The following BTBD9 variants were observed in gnomAD, a reference collection of about 807,000 sequenced individuals.
BTBD9 encodes BTB domain containing 9, also known as BTB/POZ domain-containing protein 9.
BTBD9 carries 49 observed loss-of-function variants against 64.3 expected under a neutral mutation model. The ratio of observed to expected loss-of-function variants is 0.76; its 90% CI spans 0.61 to 0.97. The LOEUF (loss-of-function observed/expected upper bound fraction) is 0.97, where lower values mean the gene tolerates loss of function less well. Among genes scored for constraint, BTBD9 ranks in the 50% least tolerant of loss-of-function variants. BTBD9 has a pLI of 0.00. For missense variants in BTBD9, 598 were observed against 762.1 expected (o/e 0.78, Z 2.53); for synonymous variants, 260 against 274.7 (o/e 0.95, Z 0.53).
chr6:38,598,612 T>C (rs1424426295), intron 1 of BTBD9, among the ~76,000 whole-genome samples: 1 of 152,026 alleles, frequency 6.6e-6, no homozygotes, highest in East Asian at 1.9e-4. Context: ...ATCTCAAATA[T>C]TTCATTTAAA....
At chr6:38,345,160 A>G (rs28360643) in intron 6 of BTBD9, 67 bp from the exon 7 acceptor site, 185,645 of 1,027,486 alleles carry the variant, frequency 0.18, 17,718 homozygotes, top group African/African-American at 0.24. Context: ...CAAGGATAAC[A>G]GAGTAAGACA....
intron 7 of BTBD9, among the ~76,000 whole-genome samples, chr6:38,298,903 C>T (rs868311284): frequency 7.3e-5 from 11 of 150,782 alleles, no homozygotes; most frequent in Admixed American, 2.0e-4. Flanking sequence ...ATGTGCACAA[C>T]GTGCAGGTTT....
rs561475349 is a variant in BTBD9 at position 38,256,474 on chromosome 6, G to A, written c.1497C>T (p.Tyr499=). The A allele has an allele frequency of 5.8e-5, 94 of 1,613,984 alleles. 1 individual carries two copies. Among genetic ancestry groups the A allele is most frequent in the East Asian group, 2.2e-4 (10 of 44,878 alleles). The change falls in exon 9 of 11, where the codon TAC becomes TAT. Residue 499 remains tyrosine, a synonymous_variant. Transcript: ENST00000481247. The stretch of plus-strand genomic sequence containing the variant: ...GTTGCTGGTTGGTAGAAACCTCAAC[G>A]TAGTAGCTATAGCTTCGATCATCAC... The part of the protein sequence containing the change: ...WDCDDRSYSY[Y]VEVSTNQQQW...
In BTBD9 at chr6:38,595,619, C is replaced by T. The variant is rs1001051375; in HGVS notation, c.186-1292G>A. Among the ~76,000 whole-genome samples, 4 of 152,148 alleles carry T rather than the reference C, an allele frequency of 2.6e-5. No individual in the cohort carries two copies. The East Asian group carries it at 7.7e-4, about 29-fold the overall frequency. ...AGACTGGAAATAAGAAAGAGATTCT[C>T]CGTGTTGCTAAAATTCTCAGAGTAG... On this transcript the variant is annotated intron_variant, in intron 2 of 10. Coordinates refer to ENST00000481247, the MANE Select transcript of BTBD9 (RefSeq NM_001099272.2).
chr6:38,374,296 T>TATATATATATATATATATATAC lies in BTBD9; in HGVS notation c.1155-29204_1155-29203insGTATATATATATATATATATAT, dbSNP rs1491482634. 2.3e-3 allele frequency among the ~76,000 whole-genome samples: 162 copies of TATATATATATATATATATATAC among 70,332 alleles called. 4 individuals carry two copies. Among genetic ancestry groups the TATATATATATATATATATATAC allele is most frequent in the Non-Finnish European group, 2.8e-3 (117 of 41,644 alleles). The allele number at this position is 70,332 out of a possible 152,430, so 46.1% of individuals were successfully genotyped here. On this transcript the variant is annotated intron_variant, in intron 6 of 10. Coordinates refer to ENST00000481247, the MANE Select transcript of BTBD9 (RefSeq NM_001099272.2). The stretch of plus-strand genomic sequence containing the variant: ...AAAAAAAAAAAAGTATATATATATA[T>TATATATATATATATATATATAC]GTATATATATGTATATATATATATA...
chr6:38,594,598 G>A (rs1040581919), intron 2 of BTBD9, among the ~76,000 whole-genome samples: 5 of 152,180 alleles, frequency 3.3e-5, no homozygotes, highest in Non-Finnish European at 5.9e-5. Flanking sequence ...ATAGAAAGAT[G>A]AGAGTGATCT....
At chr6:38,453,108 T>C (rs138977190) in intron 6 of BTBD9, among the ~76,000 whole-genome samples, 1 of 152,130 alleles carries the variant, frequency 6.6e-6, no homozygotes, top group Non-Finnish European at 1.5e-5. Context: ...AGACAATAGT[T>C]TGAGTGAAAA....
intron 6 of BTBD9, among the ~76,000 whole-genome samples, chr6:38,518,877 G>C (rs540528530): frequency 5.3e-5 from 8 of 152,154 alleles, no homozygotes; most frequent in Non-Finnish European, 7.4e-5. Context: ...ACTCTCAAGA[G>C]CTTATAATCC....
At chr6:38,439,110 C>CTTTTTTTTTTTTTTTTT (rs35699356) in intron 6 of BTBD9, among the ~76,000 whole-genome samples, 16 of 64,052 alleles carry the variant, frequency 2.5e-4, no homozygotes, top group African/African-American at 1.0e-3. Context: ...TAGCAACTGA[C>CTTTTTTTTTTTTTTTTT]TTTTTTTTTT....
chr6:38,324,472 T>A (rs1763345613), intron 7 of BTBD9, among the ~76,000 whole-genome samples: 1 of 152,112 alleles, frequency 6.6e-6, no homozygotes, highest in Non-Finnish European at 1.5e-5. Flanking sequence ...GAGTGTTCTA[T>A]TAGATTATTC....
intron 2 of BTBD9, chr6:38,596,131 T>C: frequency 1.2e-6 from 1 of 856,338 alleles, no homozygotes; most frequent in Non-Finnish European, 1.4e-6. Flanking sequence ...TTAACATTCC[T>C]TTGCACATGA....
intron 6 of BTBD9, among the ~76,000 whole-genome samples, chr6:38,359,990 A>G (rs1456359682): frequency 1.3e-5 from 2 of 152,228 alleles, no homozygotes; most frequent in African/African-American, 4.8e-5. Context: ...TATCTTTTTA[A>G]AAAGTCATTT....
intron 6 of BTBD9, among the ~76,000 whole-genome samples, chr6:38,569,094 G>A (rs866858785): frequency 3.3e-5 from 5 of 152,230 alleles, no homozygotes; most frequent in Admixed American, 6.5e-5. Context: ...TGCTATAGAA[G>A]CAGAAGAACC....
intron 8 of BTBD9, among the ~76,000 whole-genome samples, chr6:38,268,472 G>T (rs1765089980): frequency 1.3e-5 from 2 of 152,216 alleles, no homozygotes; most frequent in African/African-American, 4.8e-5. Context: ...AAAACAGGTG[G>T]GAAGGCTCAA....
At chr6:38,413,265 C>T (rs1417270430) in intron 6 of BTBD9, among the ~76,000 whole-genome samples, 1 of 152,210 alleles carries the variant, frequency 6.6e-6, no homozygotes, top group Non-Finnish European at 1.5e-5. Context: ...ACGTGGGTGG[C>T]ATGCGAGCTG....
At chr6:38,415,429 C>T (rs539811577) in intron 6 of BTBD9, among the ~76,000 whole-genome samples, 1 of 152,212 alleles carries the variant, frequency 6.6e-6, no homozygotes, top group South Asian at 2.1e-4. Flanking sequence ...AAAGAAAATG[C>T]TTTCTCCCTT....
In BTBD9 at chr6:38,185,840, G is replaced by A. The variant is rs564617374; in HGVS notation, c.1641+6679C>T. Among the ~76,000 whole-genome samples the A allele has an allele frequency of 8.7e-4, 132 of 152,130 alleles. 1 individual carries two copies. Among genetic ancestry groups the A allele is most frequent in the African/African-American group, 3.1e-3 (130 of 41,500 alleles). ...TAGTATACGTATTCTTTGGTGTCTC[G>A]CTTCTGTCCTTCAACACGCTGTTAT... On this transcript the variant is annotated intron_variant, in intron 10 of 10. Transcript: ENST00000481247.
At chr6:38,282,024 G>A (rs1199386922) in intron 8 of BTBD9, among the ~76,000 whole-genome samples, 1 of 152,138 alleles carries the variant, frequency 6.6e-6, no homozygotes, top group Non-Finnish European at 1.5e-5. Flanking sequence ...ATACTAGCCT[G>A]AAAACACTAA....
chr6:38,242,532 A>G (rs1764028059), intron 9 of BTBD9, among the ~76,000 whole-genome samples: 1 of 152,202 alleles, frequency 6.6e-6, no homozygotes, highest in African/African-American at 2.4e-5. Context: ...TACCAGTTAC[A>G]GTATTGTTTG....
Sources: allele counts gnomAD v4.1 joint callset (sites outside exome capture counted in the v4.1 genomes callset), GRCh38; gene constraint gnomAD v4.1.1; transcripts MANE v1.5; gene names NCBI Gene and HGNC (gene_info 2026-07-23, HGNC 2026-07-21).